The following KCNN3 variants were observed in gnomAD, a reference collection of about 807,000 sequenced individuals.
KCNN3 encodes the protein small conductance calcium-activated potassium channel protein 3.
Under a neutral mutation model 62.9 loss-of-function variants are expected in KCNN3, and 16 were observed. That is an observed-to-expected ratio of 0.25 (90% CI 0.17 to 0.39). The LOEUF (loss-of-function observed/expected upper bound fraction) is 0.39. KCNN3 is among the 10% of genes least tolerant of loss of function. The pLI, the probability that KCNN3 is intolerant of heterozygous loss-of-function variation, is 1.00. For synonymous variants in KCNN3, 370 were observed against 389.2 expected (o/e 0.95, Z 0.58); for missense variants, 599 against 949.4 (o/e 0.63, Z 4.85).
chr1:154,745,678 G>A (rs1014661375), intron 3 of KCNN3, among the ~76,000 whole-genome samples: 7 of 152,286 alleles, frequency 4.6e-5, no homozygotes, highest in African/African-American at 1.7e-4. Context: ...TTCTTAGAGG[G>A]AAGCACTGTC....
At chr1:154,827,015 G>A (rs767683522) in intron 1 of KCNN3, among the ~76,000 whole-genome samples, 6 of 152,180 alleles carry the variant, frequency 3.9e-5, no homozygotes, top group Non-Finnish European at 8.8e-5. Flanking sequence ...CACGATTTCT[G>A]TCACTGGCTG....
At chr1:154,836,535 T>C (rs1651597010) in intron 1 of KCNN3, among the ~76,000 whole-genome samples, 1 of 152,164 alleles carries the variant, frequency 6.6e-6, no homozygotes, top group African/African-American at 2.4e-5. Context: ...CTCCTGTGGG[T>C]TCTTGCTGAC....
At position 154,704,138 on chromosome 1, in the gene KCNN3, T is replaced by C. The variant is rs1699919225; in HGVS notation, c.*3838A>G. 6.6e-6 allele frequency: 1 copy of C among 152,268 alleles called. No homozygotes were observed. Among genetic ancestry groups the C allele is most frequent in the Non-Finnish European group, 1.5e-5 (1 of 68,052 alleles). 9.4% of individuals were successfully genotyped at this position (152,268 alleles called of 1,614,324 possible). ...CTTGGCTTTTAATAATAAAAATAGC[T>C]TGTACATGCTCAGCGCTTGGAATTT... On this transcript the variant is annotated 3_prime_UTR_variant, in exon 8 of 8. Coordinates refer to ENST00000271915, the MANE Select transcript of KCNN3 (RefSeq NM_002249.6).
At position 154,869,234 on chromosome 1, in the gene KCNN3, T is replaced by A. The variant is rs1653077131; in HGVS notation, c.731A>T (p.Gln244Leu). Residue 244 changes from glutamine (Q) to leucine (L), a missense_variant, in exon 1 of 8, where the codon CAG (glutamine) becomes CTG (leucine). By Grantham distance (113) the Gln-to-Leu change is moderately radical. Transcript: ENST00000271915. This position sits in a 1 kb window ranked among gnomAD's most constrained non-coding sequence, Gnocchi z 6.1. Reference sequence around the variant, plus strand: ...GCTGCTGGCGGTGGTGCCGGCATGCTGGTGGTTGTGGGTGGCATTAGGGTG... The same window carrying A: ...GCTGCTGGCGGTGGTGCCGGCATGCAGGTGGTTGTGGGTGGCATTAGGGTG... ...LHHPNATHNH[Q>L]HAGTTASSTT... is the part of the protein sequence containing the mutation. 2 of 1,613,224 alleles carry A rather than the reference T, an allele frequency of 1.2e-6. No individual in the cohort carries two copies. Among genetic ancestry groups the A allele is most frequent in the Non-Finnish European group, 1.7e-6 (2 of 1,179,638 alleles).
chr1:154,731,135 C>T (rs1053033871), intron 4 of KCNN3, among the ~76,000 whole-genome samples: 2 of 152,222 alleles, frequency 1.3e-5, no homozygotes, highest in African/African-American at 4.8e-5. Context: ...CCAGCCCTGG[C>T]TGAGAGCTGG....
At chr1:154,712,104 A>G (rs1472971328) in intron 7 of KCNN3, among the ~76,000 whole-genome samples, 2 of 152,114 alleles carry the variant, frequency 1.3e-5, no homozygotes, top group Non-Finnish European at 2.9e-5. Flanking sequence ...AAGGACAGAG[A>G]AGAAATGGTG....
intron 1 of KCNN3, among the ~76,000 whole-genome samples, chr1:154,844,809 C>A (rs933171134): frequency 6.6e-6 from 1 of 152,034 alleles, no homozygotes; most frequent in Non-Finnish European, 1.5e-5. Flanking sequence ...AGTTCAAGAC[C>A]AGCCTGACCA....
intron 7 of KCNN3, 25 bp downstream of exon 7, chr1:154,713,439 G>A: frequency 1.3e-6 from 2 of 1,587,932 alleles, no homozygotes; most frequent in Non-Finnish European, 1.7e-6. Flanking sequence ...TGTTCTAGGG[G>A]ATGTCTCCAG....
chr1:154,808,774 T>C (rs939542085), intron 2 of KCNN3, among the ~76,000 whole-genome samples: 1 of 152,160 alleles, frequency 6.6e-6, no homozygotes. Context: ...CTCTTTGCTC[T>C]CAAATCGATA....
chr1:154,774,847 A>G (rs1377789248), intron 2 of KCNN3, among the ~76,000 whole-genome samples: 1 of 152,268 alleles, frequency 6.6e-6, no homozygotes, highest in Admixed American at 6.5e-5. Context: ...CCTGGCTGGG[A>G]GAGCAGGCCA....
At chr1:154,720,426 C>G (rs1378898307) in intron 5 of KCNN3, among the ~76,000 whole-genome samples, 1 of 152,222 alleles carries the variant, frequency 6.6e-6, no homozygotes, top group African/African-American at 2.4e-5. Context: ...GACTTGAAGA[C>G]TTGTTCTGGA....
intron 4 of KCNN3, among the ~76,000 whole-genome samples, chr1:154,726,989 C>T (rs1700482831): frequency 6.6e-6 from 1 of 152,242 alleles, no homozygotes; most frequent in South Asian, 2.1e-4. Context: ...CACATTCCAA[C>T]ATTCTCCCAA....
At chr1:154,783,130 C>G (rs868623299) in intron 2 of KCNN3, among the ~76,000 whole-genome samples, 2 of 151,772 alleles carry the variant, frequency 1.3e-5, no homozygotes, top group South Asian at 2.1e-4. Context: ...GGAGAATGGC[C>G]TGAACCCGGG....
At chr1:154,773,112 G>C (rs1648641548) in intron 2 of KCNN3, among the ~76,000 whole-genome samples, 1 of 152,094 alleles carries the variant, frequency 6.6e-6, no homozygotes, top group South Asian at 2.1e-4. Context: ...TCGTCACCCA[G>C]GTACTATTGG....
At chr1:154,726,105 C>T (rs144378415) in intron 4 of KCNN3, 79 bp from the exon 5 acceptor site, 9 of 1,062,678 alleles carry the variant, frequency 8.5e-6, no homozygotes, top group Admixed American at 2.0e-5. Context: ...ACACGCCTGG[C>T]GGCCACGGGG....
rs995286123 is a variant in KCNN3, at chr1:154,748,179, G to C, written c.1449-15035C>G. Among the ~76,000 whole-genome samples the C allele has an allele frequency of 2.0e-5, 3 of 152,218 alleles. No individual in the cohort carries two copies. In the South Asian group the frequency reaches 6.2e-4, roughly 32 times the overall value. On this transcript the variant is annotated intron_variant, in intron 3 of 7. Coordinates refer to ENST00000271915, the MANE Select transcript of KCNN3 (RefSeq NM_002249.6). ...TGGTCTCATCTCACTCCCTGCTGTG[G>C]GCCTCTGCTTTCTGTTTAAAGCCAT...
Position 154,704,656 on chromosome 1 carries a change from G to A in KCNN3, c.*3320C>T, listed in dbSNP as rs1699929655. 6.6e-6 allele frequency: 1 copy of A among 152,172 alleles called. No homozygotes were observed. Among genetic ancestry groups the A allele is most frequent in the Admixed American group, 6.5e-5 (1 of 15,270 alleles). 9.4% of individuals were successfully genotyped at this position (152,172 alleles called of 1,614,324 possible). ...TTAGAGTGATTTTACCTGTCACTGA[G>A]TTGTCAGAAAGATTATAGTAGGGGA... is the stretch of plus-strand genomic sequence containing the variant. On this transcript the variant is annotated 3_prime_UTR_variant, in exon 8 of 8. Coordinates refer to ENST00000271915, the MANE Select transcript of KCNN3 (RefSeq NM_002249.6).
intron 2 of KCNN3, among the ~76,000 whole-genome samples, chr1:154,790,482 C>T (rs1419250706): frequency 1.3e-5 from 2 of 152,146 alleles, no homozygotes; most frequent in Non-Finnish European, 2.9e-5. Flanking sequence ...TATCACAAAG[C>T]CTATTTTATA....
intron 5 of KCNN3, among the ~76,000 whole-genome samples, chr1:154,724,516 T>C (rs980482553): frequency 5.3e-5 from 8 of 152,242 alleles, no homozygotes; most frequent in Non-Finnish European, 1.2e-4. Context: ...GAAATCATCT[T>C]ACTGACCTTC....
Sources: allele counts gnomAD v4.1 joint callset (sites outside exome capture counted in the v4.1 genomes callset), GRCh38; gene constraint gnomAD v4.1.1; non-coding constraint Gnocchi (gnomAD v3.1); transcripts MANE v1.5; gene names NCBI Gene and HGNC (gene_info 2026-07-23, HGNC 2026-07-21).